The following USP25 variants were observed in gnomAD, a reference collection of about 807,000 sequenced individuals.
The protein encoded by USP25 is ubiquitin carboxyl-terminal hydrolase 25.
Under a neutral mutation model 158.5 loss-of-function variants are expected in USP25, and 85 were observed. That is an observed-to-expected ratio of 0.54 (90% CI 0.45 to 0.64). The LOEUF (loss-of-function observed/expected upper bound fraction) is 0.64. USP25 is among the 30% of genes least tolerant of loss of function. USP25 has a pLI of 0.00. For missense variants in USP25, 1,242 were observed against 1,327.3 expected (o/e 0.94, Z 1.00); for synonymous variants, 464 against 460.4 (o/e 1.01, Z -0.10).
intron 23 of USP25, among the ~76,000 whole-genome samples, chr21:15,871,750 T>G (rs1214243835): frequency 1.3e-5 from 2 of 152,160 alleles, no homozygotes; most frequent in Non-Finnish European, 2.9e-5. Flanking sequence ...ATTCAGAAAG[T>G]TAATATTCTA....
rs142482953 is a variant in USP25, at chr21:15,858,515, A to C, written c.2548-5753A>C. ...TAGGTAACGGGATAATTAATTTTACATGTTTATGTTGTATTTAGTTAACTT... is the reference window on the plus strand; with the variant it reads ...TAGGTAACGGGATAATTAATTTTACCTGTTTATGTTGTATTTAGTTAACTT... On this transcript the variant is annotated intron_variant, in intron 20 of 25. Coordinates refer to ENST00000400183, the MANE Select transcript of USP25 (RefSeq NM_001283041.3). 2.8e-3 allele frequency among the ~76,000 whole-genome samples: 418 copies of C among 151,016 alleles called. 3 individuals are homozygous for C. The highest frequency in any genetic ancestry group is 9.8e-3 in the African/African-American group (405 of 41,204).
chr21:15,762,115 G>A (rs1257509204), intron 1 of USP25, among the ~76,000 whole-genome samples: 2 of 127,198 alleles, frequency 1.6e-5, no homozygotes, highest in South Asian at 4.8e-4. Context: ...TGAGATAAAT[G>A]TGAAACATCT....
rs2040016974 is a variant in USP25 at position 15,874,395 on chromosome 21, T to C, written c.2886-8T>C. 6.3e-7 allele frequency: 1 copy of C among 1,591,812 alleles called. No individual in the cohort carries two copies. Among genetic ancestry groups the C allele is most frequent in the Non-Finnish European group, 8.5e-7 (1 of 1,170,780 alleles). On this transcript the variant is annotated splice_region_variant and splice_polypyrimidine_tract_variant and intron_variant, in intron 23 of 25. Transcript: ENST00000400183. ...ACTAATGTTATATGTTTCTTTTTAA[T>C]TTTCAAGTTATATAGATTCCTTGCT...
intron 10 of USP25, among the ~76,000 whole-genome samples, chr21:15,822,115 T>C (rs572133264): frequency 1.3e-5 from 2 of 152,076 alleles, no homozygotes; most frequent in African/African-American, 4.8e-5. Flanking sequence ...ATATAGTTTT[T>C]TGTTGAATGG....
At chr21:15,823,581 T>C (rs758266610) in intron 10 of USP25, among the ~76,000 whole-genome samples, 1 of 152,130 alleles carries the variant, frequency 6.6e-6, no homozygotes, top group Non-Finnish European at 1.5e-5. Flanking sequence ...TCATTTTTAG[T>C]ATGAGAGTTG....
intron 10 of USP25, among the ~76,000 whole-genome samples, chr21:15,821,514 A>G (rs2146340401): frequency 6.6e-6 from 1 of 152,102 alleles, no homozygotes; most frequent in Middle Eastern, 3.4e-3. Flanking sequence ...GTACCAAGTT[A>G]TAATAAAGTG....
At chr21:15,790,238 A>G (rs1298282604) in intron 4 of USP25, among the ~76,000 whole-genome samples, 1 of 151,278 alleles carries the variant, frequency 6.6e-6, no homozygotes, top group Non-Finnish European at 1.5e-5. Flanking sequence ...TTTTGGGCAG[A>G]GAGTAGTGCT....
intron 1 of USP25, among the ~76,000 whole-genome samples, chr21:15,744,566 G>A (rs1394936836): frequency 1.3e-5 from 2 of 148,448 alleles, no homozygotes; most frequent in African/African-American, 5.1e-5. Flanking sequence ...TTCCTGTCTC[G>A]GCCTCCTAGG....
intron 4 of USP25, among the ~76,000 whole-genome samples, chr21:15,780,135 AT>A (rs2034885478): frequency 6.6e-6 from 1 of 152,180 alleles, no homozygotes; most frequent in South Asian, 2.1e-4. Flanking sequence ...ACTGAAGTTG[AT>A]ATAGGGAAAA....
Position 15,824,096 on chromosome 21 carries a change from A to G in USP25, c.1138A>G (p.Asn380Asp), listed in dbSNP as rs1187050805. The part of the protein sequence containing the change: ...LTFELSRFEF[N>D]QALGRPEKIH... ...ATTTGAATTGTCAAGATTTGAATTT[A>G]ATCAGGCATTGGGAAGACCAGAAAA... is the stretch of plus-strand genomic sequence containing the variant. The change falls in exon 11 of 26, where the codon AAT (asparagine) becomes GAT (aspartate). Residue 380 changes from asparagine (N) to aspartate (D), a missense_variant. Asn to Asp is a conservative substitution (Grantham distance 23). This residue lies in a region of USP25 where 627 missense variants were observed against 701.4 expected (regional missense o/e 0.89). Transcript: ENST00000400183. 2 of 1,613,484 alleles carry G rather than the reference A, an allele frequency of 1.2e-6. No homozygotes were observed. The highest frequency in any genetic ancestry group is 1.3e-5 in the African/African-American group (1 of 74,910).
intron 7 of USP25, among the ~76,000 whole-genome samples, chr21:15,807,998 G>A (rs1311594755): frequency 6.6e-6 from 1 of 152,008 alleles, no homozygotes; most frequent in Admixed American, 6.6e-5. Context: ...ATATAAAGTT[G>A]GCCTACATGC....
In USP25 at chr21:15,826,791, T is replaced by G. The variant is rs113264950; in HGVS notation, c.1467-186T>G. On this transcript the variant is annotated intron_variant, in intron 13 of 25. Transcript: ENST00000400183. This position sits in a 1 kb window ranked among gnomAD's most constrained non-coding sequence, Gnocchi z 4.8. ...GCTGTTTTAACTCTAAAGCTACAAC[T>G]TCATCTTATAATAATTTAGTTCTTA... Among the ~76,000 whole-genome samples the G allele has an allele frequency of 6.6e-6, 1 of 152,210 alleles. No individual in the cohort carries two copies. Among genetic ancestry groups the G allele is most frequent in the East Asian group, 1.9e-4 (1 of 5,200 alleles).
chr21:15,794,914 T>A (rs752769898), intron 5 of USP25, among the ~76,000 whole-genome samples: 10 of 151,570 alleles, frequency 6.6e-5, no homozygotes, highest in Non-Finnish European at 1.5e-4. Context: ...GTATCTAAAG[T>A]AGTACGTGAG....
intron 1 of USP25, among the ~76,000 whole-genome samples, chr21:15,732,832 A>G (rs955237033): frequency 6.6e-6 from 1 of 152,040 alleles, no homozygotes; most frequent in Non-Finnish European, 1.5e-5. Flanking sequence ...CTTTGTCACA[A>G]TGTAGTATGA....
intron 20 of USP25, among the ~76,000 whole-genome samples, chr21:15,852,792 A>G (rs1047515220): frequency 1.3e-5 from 2 of 152,074 alleles, no homozygotes; most frequent in Non-Finnish European, 2.9e-5. Context: ...TAGTGTGTGT[A>G]TATGTTTATA....
intron 1 of USP25, among the ~76,000 whole-genome samples, chr21:15,733,495 G>T (rs1402110583): frequency 6.6e-6 from 1 of 152,104 alleles, no homozygotes; most frequent in East Asian, 1.9e-4. Context: ...ACTTTGGGAG[G>T]CTGAGGTGGG....
rs2033818892 is a variant in USP25, at chr21:15,762,932, G to A, written c.87G>A (p.Gly29=). 1 of 1,612,768 alleles carries A rather than the reference G, an allele frequency of 6.2e-7. No homozygotes were observed. Among genetic ancestry groups the A allele is most frequent in the East Asian group, 2.2e-5 (1 of 44,822 alleles). The change falls in exon 2 of 26, where the codon GGG becomes GGA. Residue 29 remains glycine (G), a synonymous_variant. Coordinates refer to ENST00000400183, the MANE Select transcript of USP25 (RefSeq NM_001283041.3). ...TFLNQLREIT[G]INDTQILQQA... ...TGAATCAACTGAGAGAAATTACGGG[G>A]ATTAATGACACCCAGATACTACAGC... is the stretch of plus-strand genomic sequence containing the variant.
At chr21:15,785,059 A>G (rs1034656484) in intron 4 of USP25, among the ~76,000 whole-genome samples, 2 of 152,138 alleles carry the variant, frequency 1.3e-5, no homozygotes, top group Non-Finnish European at 2.9e-5. Context: ...GAAGGAATGG[A>G]CAAAGATATC....
chr21:15,873,237 A>T (rs1351897417), intron 23 of USP25, among the ~76,000 whole-genome samples: 6 of 151,530 alleles, frequency 4.0e-5, no homozygotes, highest in Admixed American at 3.9e-4. Flanking sequence ...CAGCCTCCTG[A>T]GTAGCTGGTA....
Sources: gnomAD v4.1 joint callset for allele counts (sites outside exome capture counted in the v4.1 genomes callset) on GRCh38, gnomAD v4.1.1 for gene constraint, gnomAD v4.1.1 regional missense constraint, Gnocchi (gnomAD v3.1) non-coding constraint, MANE v1.5 for transcripts, NCBI Gene and HGNC (gene_info 2026-07-23, HGNC 2026-07-21) for gene names.